GALNT16: variants seen among roughly 807,000 people sequenced by gnomAD.
GALNT16 encodes the protein UDP-GalNAc:polypeptide N-acetylgalactosaminyltransferase-like protein 1.
Under a neutral mutation model 76.1 loss-of-function variants are expected in GALNT16, and 40 were observed. That is an observed-to-expected ratio of 0.53 (90% confidence interval 0.41 to 0.68). The LOEUF is 0.68. Ranked by LOEUF, GALNT16 falls within the 30% of genes least tolerant of loss-of-function variation. The probability of loss-of-function intolerance (pLI) is 0.00; values close to 1 mark genes in which losing one functional copy is unlikely to be tolerated. For synonymous variants in GALNT16, 276 were observed against 285.2 expected, an observed-to-expected ratio of 0.97 and a Z score of 0.32; for missense variants, 621 against 731.9, an observed-to-expected ratio of 0.85 and a Z score of 1.75.
At chr14:69,358,803 T>G (rs370302088), downstream of GALNT16, 13 of 152,476 alleles carry the variant, frequency 8.5e-5, no homozygotes, top group South Asian at 2.7e-3. Context: ...CACCGATGGT[T>G]ACAACTATCC....
At chr14:69,305,454 C>A (rs1004072865) in intron 1 of GALNT16, among the ~76,000 whole-genome samples, 3 of 152,132 alleles carry the variant, frequency 2.0e-5, no homozygotes, top group Admixed American at 6.6e-5. Context: ...TGAGCCACTG[C>A]GCCTAGCCCT....
the GALNT16 span, among the ~76,000 whole-genome samples, chr14:69,382,837 G>C: frequency 6.6e-6 from 1 of 151,152 alleles, no homozygotes; most frequent in Non-Finnish European, 1.5e-5. Flanking sequence ...ATGGAAAGCT[G>C]TGTGTCGATG....
chr14:69,317,543 G>T (rs549463430), intron 1 of GALNT16, among the ~76,000 whole-genome samples: 1 of 152,350 alleles, frequency 6.6e-6, no homozygotes, highest in South Asian at 2.1e-4. Context: ...CTCTTACCCA[G>T]TGTATGTACA....
At chr14:69,324,540 G>C in intron 2 of GALNT16, 152 bp from the exon 3 acceptor site, 5 of 489,328 alleles carry the variant, frequency 1.0e-5, no homozygotes, top group Non-Finnish European at 1.8e-5. Context: ...ATGCAGCATG[G>C]GGGTGGAGGC....
rs75891218 is a variant in GALNT16 at position 69,338,695 on chromosome 14, G to A, written c.1012G>A (p.Val338Ile). The A allele has an allele frequency of 8.7e-4, 1,396 of 1,613,346 alleles. 12 individuals carry two copies. The African/African-American group carries it at 0.016, about 18-fold the overall frequency. The stretch of plus-strand genomic sequence containing the variant: ...GATGTGTGGTGGCAGTCTGGAGATC[G>A]TCCCCTGCAGCCGGGTGGGCCATGT... ...VWMCGGSLEI[V>I]PCSRVGHVFR... Residue 338 changes from valine (V) to isoleucine (I), a missense_variant, in exon 10 of 15, where the codon GTC becomes ATC. Coordinates refer to ENST00000448469, the MANE Select transcript of GALNT16 (RefSeq NM_001168368.2).
intron 1 of GALNT16, among the ~76,000 whole-genome samples, chr14:69,267,404 G>A (rs1176480654): frequency 2.6e-5 from 4 of 152,228 alleles, no homozygotes; most frequent in African/African-American, 7.2e-5. Flanking sequence ...CATTGAGGCA[G>A]GTCTGCCCAG....
At chr14:69,380,575 A>ATGGT in the GALNT16 span, 1 of 1,596,692 alleles carries the variant, frequency 6.3e-7, no homozygotes, top group South Asian at 1.1e-5. Context: ...ACGAAGGAGC[A>ATGGT]CGTAGATCTT....
Position 69,353,086 on chromosome 14 carries a change from C to T in GALNT16, c.*918C>T, listed in dbSNP as rs994119634. Among the ~76,000 whole-genome samples, 6 of 152,180 alleles carry T rather than the reference C, an allele frequency of 3.9e-5. No homozygotes were observed. The highest frequency in any genetic ancestry group is 2.1e-4 in the South Asian group (1 of 4,828). ...CTGCCGCCAGGACCCACTGAAAGGA[C>T]GGGTAGCCACACACATCCCTGAGTA... On this transcript the variant is annotated 3_prime_UTR_variant, in exon 15 of 15. Coordinates refer to ENST00000448469, the MANE Select transcript of GALNT16 (RefSeq NM_001168368.2).
At position 69,285,462 on chromosome 14, in the gene GALNT16, C is replaced by CA. The variant is rs369375619; in HGVS notation, c.177+24996dup. On this transcript the variant is annotated intron_variant, in intron 1 of 14. Transcript: ENST00000448469. ...GTAGTGTCATGTGTGGTTTTCTCAT[C>CA]ATTACTGTTGTCATTATTGTTATCA... Among the ~76,000 whole-genome samples, 827 of 151,708 alleles carry CA rather than the reference C, an allele frequency of 5.5e-3. 25 individuals are homozygous for CA. In the East Asian group the frequency reaches 0.091, roughly 17 times the overall value.
Position 69,320,821 on chromosome 14 carries a change from T to C in GALNT16, c.288T>C (p.Ser96=). The C allele has an allele frequency of 1.2e-6, 2 of 1,613,564 alleles. No homozygotes were observed. Among genetic ancestry groups the C allele is most frequent in the Non-Finnish European group, 1.7e-6 (2 of 1,179,808 alleles). The stretch of plus-strand genomic sequence containing the variant: ...AGCACGCCTTCAACCAGCTGGAGAG[T>C]GACAAGCTGAGCCCAGACCGGCCCA... ...YRQHAFNQLE[S]DKLSPDRPIR... The change falls in exon 2 of 15, where the codon AGT becomes AGC. Residue 96 remains serine, a synonymous_variant. Coordinates refer to ENST00000448469, the MANE Select transcript of GALNT16 (RefSeq NM_001168368.2).
chr14:69,336,063 G>A (rs1279732283), intron 9 of GALNT16, among the ~76,000 whole-genome samples: 1 of 152,092 alleles, frequency 6.6e-6, no homozygotes, highest in Non-Finnish European at 1.5e-5. Flanking sequence ...CCACACCCCT[G>A]CCCTCACTTC....
In GALNT16 at chr14:69,352,317, A is replaced by G. The variant is rs2045648448; in HGVS notation, c.*149A>G. 7 of 764,600 alleles carry G rather than the reference A, an allele frequency of 9.2e-6. No individual in the cohort carries two copies. Among genetic ancestry groups the G allele is most frequent in the Non-Finnish European group, 1.4e-5 (7 of 488,416 alleles). The allele number at this position is 764,600 out of a possible 1,614,324, so 47.4% of individuals were successfully genotyped here. On this transcript the variant is annotated 3_prime_UTR_variant, in exon 15 of 15. Coordinates refer to ENST00000448469, the MANE Select transcript of GALNT16 (RefSeq NM_001168368.2). ...TACCCACCATGACACACGTTCTCCAAAGCTTGTTCTAGGAGGGCGCAGGCG... is the reference window on the plus strand; with the variant it reads ...TACCCACCATGACACACGTTCTCCAGAGCTTGTTCTAGGAGGGCGCAGGCG...
the GALNT16 span, among the ~76,000 whole-genome samples, chr14:69,383,539 G>C: frequency 6.6e-6 from 1 of 152,188 alleles, no homozygotes; most frequent in African/African-American, 2.4e-5. Flanking sequence ...CATAACCAAA[G>C]TCACCTGGGG....
At chr14:69,298,811 G>A (rs554103461) in intron 1 of GALNT16, 1 of 152,758 alleles carries the variant, frequency 6.5e-6, no homozygotes, top group South Asian at 2.1e-4. Context: ...AGGAGAGTTG[G>A]AGTCGGGGGA....
chr14:69,338,256 C>T (rs543999670), intron 9 of GALNT16, among the ~76,000 whole-genome samples: 27 of 152,330 alleles, frequency 1.8e-4, no homozygotes, highest in African/African-American at 6.0e-4. Flanking sequence ...TCCGACCTCT[C>T]AGGTGCACAG....
intron 5 of GALNT16, 71 bp downstream of exon 5, chr14:69,326,098 CTT>C (rs1445107960): frequency 8.5e-6 from 10 of 1,179,830 alleles, no homozygotes; most frequent in South Asian, 4.9e-5. Flanking sequence ...CCCACTCTCT[CTT>C]GGTGCCGTGG....
intron 1 of GALNT16, among the ~76,000 whole-genome samples, chr14:69,286,662 G>A (rs1037361675): frequency 1.3e-5 from 2 of 152,182 alleles, no homozygotes; most frequent in Non-Finnish European, 2.9e-5. Flanking sequence ...TAATATGCAT[G>A]TGAAGGGTTT....
chr14:69,333,221 C>A lies in GALNT16; in HGVS notation c.863+52C>A. The A allele has an allele frequency of 7.9e-7, 1 of 1,268,688 alleles. No individual in the cohort carries two copies. The highest frequency in any genetic ancestry group is 1.1e-6 in the Non-Finnish European group (1 of 892,268). 78.6% of individuals were successfully genotyped at this position (1,268,688 alleles called of 1,614,324 possible). ...ACCCCTTCCTTCCCTGGGTCAGGGG[C>A]CTGGGAGGCTCTTGGGAGGCTGTAT... On this transcript the variant is annotated intron_variant, in intron 8 of 14. Transcript: ENST00000448469. The surrounding 1 kb of genome is among the most constrained non-coding windows in gnomAD (Gnocchi z 4.2).
chr14:69,362,084 T>TC, the GALNT16 span, among the ~76,000 whole-genome samples: 1 of 152,198 alleles, frequency 6.6e-6, no homozygotes, highest in Non-Finnish European at 1.5e-5. Context: ...GAATACAATG[T>TC]CCCGTGATGT....
Sources: gnomAD v4.1 joint callset for allele counts (sites outside exome capture counted in the v4.1 genomes callset) on GRCh38, gnomAD v4.1.1 for gene constraint, Gnocchi (gnomAD v3.1) non-coding constraint, MANE v1.5 for transcripts, NCBI Gene and HGNC (gene_info 2026-07-23, HGNC 2026-07-21) for gene names.